The following CNTN4 variants were observed in gnomAD, a reference collection of about 807,000 sequenced individuals.
CNTN4 encodes contactin-4.
In CNTN4, 77 loss-of-function variants were observed where a neutral mutation model predicts 122.5. The observed-to-expected ratio is 0.63, with a 90% CI of 0.52 to 0.76. The LOEUF (loss-of-function observed/expected upper bound fraction) is 0.76. Among genes scored for constraint, CNTN4 ranks in the 30% least tolerant of loss-of-function variants. CNTN4 has a pLI of 0.00. For missense variants in CNTN4, 1,256 were observed against 1,259.1 expected (o/e 1.00, Z 0.04); for synonymous variants, 512 against 447.0 (o/e 1.15, Z -1.83).
At chr3:2,232,025 TTAGATA>T (rs1182017892) in intron 2 of CNTN4, among the ~76,000 whole-genome samples, 1 of 152,110 alleles carries the variant, frequency 6.6e-6, no homozygotes, top group Non-Finnish European at 1.5e-5. Flanking sequence ...ATAACATGTT[TTAGATA>T]TAGATATATA....
intron 3 of CNTN4, among the ~76,000 whole-genome samples, chr3:2,356,790 C>T (rs2044892381): frequency 6.6e-6 from 1 of 152,130 alleles, no homozygotes; most frequent in African/African-American, 2.4e-5. Flanking sequence ...TGGTCAGGAA[C>T]TTATTACAGG....
chr3:2,469,696 T>C (rs1463433448), intron 3 of CNTN4, among the ~76,000 whole-genome samples: 4 of 152,186 alleles, frequency 2.6e-5, no homozygotes, highest in South Asian at 2.1e-4. Context: ...TAGAGGTACA[T>C]TGTGTCAGTA....
At chr3:2,492,173 A>G (rs2076337134) in intron 3 of CNTN4, among the ~76,000 whole-genome samples, 3 of 152,228 alleles carry the variant, frequency 2.0e-5, no homozygotes, top group South Asian at 2.1e-4. Flanking sequence ...TGGCTTTTAT[A>G]CAATGGCTGC....
intron 4 of CNTN4, among the ~76,000 whole-genome samples, chr3:2,727,278 G>C (rs1430559958): frequency 2.0e-5 from 3 of 152,186 alleles, no homozygotes. Context: ...GGTCAGCACT[G>C]CATAATCAAA....
At chr3:3,024,169 GA>G (rs1010344522) in intron 14 of CNTN4, among the ~76,000 whole-genome samples, 7 of 152,006 alleles carry the variant, frequency 4.6e-5, no homozygotes, top group Non-Finnish European at 8.8e-5. Context: ...CTAAATTGCA[GA>G]ATCAGTGGGC....
At chr3:2,790,012 G>A (rs1392811876) in intron 6 of CNTN4, among the ~76,000 whole-genome samples, 3 of 152,158 alleles carry the variant, frequency 2.0e-5, no homozygotes, top group Non-Finnish European at 2.9e-5. Flanking sequence ...AATAATAGCA[G>A]CAATTGCCAT....
intron 7 of CNTN4, among the ~76,000 whole-genome samples, chr3:2,840,364 C>A (rs553563463): frequency 6.6e-6 from 1 of 151,920 alleles, no homozygotes; most frequent in Non-Finnish European, 1.5e-5. Flanking sequence ...CCTGCTTGCC[C>A]TTCTCCTCCT....
intron 3 of CNTN4, among the ~76,000 whole-genome samples, chr3:2,559,712 A>T (rs2078868504): frequency 6.6e-6 from 1 of 152,186 alleles, no homozygotes; most frequent in Admixed American, 6.5e-5. Context: ...CTGGAAAATG[A>T]TTTTATACCA....
In CNTN4 at chr3:2,106,470, A is replaced by G. The variant is rs925299913; in HGVS notation, c.-145+5831A>G. On this transcript the variant is annotated intron_variant, in intron 2 of 24. Coordinates refer to ENST00000418658, the MANE Select transcript of CNTN4 (RefSeq NM_175607.3). Reference sequence around the variant, plus strand: ...TTTTTGTCTTCTGCACACCCACAGGACGAACACCATGTGGAAGCTGCCAAG... The same window carrying G: ...TTTTTGTCTTCTGCACACCCACAGGGCGAACACCATGTGGAAGCTGCCAAG... 2.0e-5 allele frequency among the ~76,000 whole-genome samples: 3 copies of G among 152,290 alleles called. No individual in the cohort carries two copies. The South Asian group carries it at 6.2e-4, about 32-fold the overall frequency.
chr3:2,290,385 T>C (rs6774439), intron 2 of CNTN4, among the ~76,000 whole-genome samples: 11,054 of 152,220 alleles, frequency 0.073, 1,162 homozygotes, highest in African/African-American at 0.23. Context: ...TTTTATGGAA[T>C]TGACATTGGA....
At chr3:2,493,950 C>T (rs1184225952) in intron 3 of CNTN4, among the ~76,000 whole-genome samples, 1 of 151,720 alleles carries the variant, frequency 6.6e-6, no homozygotes, top group South Asian at 2.1e-4. Context: ...AGAATAGTGG[C>T]AGAGTGAGAT....
At chr3:2,658,601 T>C (rs1166274073) in intron 4 of CNTN4, among the ~76,000 whole-genome samples, 2 of 152,234 alleles carry the variant, frequency 1.3e-5, no homozygotes, top group African/African-American at 2.4e-5. Context: ...AGAATCATCC[T>C]TCCCATTTCC....
At chr3:2,458,315 T>G (rs2049075709) in intron 3 of CNTN4, among the ~76,000 whole-genome samples, 1 of 152,148 alleles carries the variant, frequency 6.6e-6, no homozygotes, top group Non-Finnish European at 1.5e-5. Context: ...GAATTGTGTT[T>G]AAAAAATGAA....
chr3:2,448,035 C>T (rs1044912062), intron 3 of CNTN4, among the ~76,000 whole-genome samples: 1 of 152,160 alleles, frequency 6.6e-6, no homozygotes, highest in Non-Finnish European at 1.5e-5. Context: ...ACTTCTCCTA[C>T]AGTAATTAAC....
chr3:2,465,549 C>G (rs183930485), intron 3 of CNTN4, among the ~76,000 whole-genome samples: 3 of 152,044 alleles, frequency 2.0e-5, no homozygotes, highest in African/African-American at 7.2e-5. Flanking sequence ...TGGCAGCGTG[C>G]GCCTGTAGTC....
At chr3:2,891,193 G>T (rs2094035818) in intron 10 of CNTN4, among the ~76,000 whole-genome samples, 1 of 152,180 alleles carries the variant, frequency 6.6e-6, no homozygotes, top group African/African-American at 2.4e-5. Context: ...GCCAGGTGCA[G>T]TGGCTTATGC....
rs184216797 is a variant in CNTN4, at chr3:2,932,875, G to T, written c.1358+7096G>T. Among the ~76,000 whole-genome samples the T allele has an allele frequency of 3.9e-3, 590 of 151,902 alleles. 4 individuals carry two copies. Among genetic ancestry groups the T allele is most frequent in the Admixed American group, 0.01 (155 of 15,262 alleles). On this transcript the variant is annotated intron_variant, in intron 13 of 24. Transcript: ENST00000418658. The stretch of plus-strand genomic sequence containing the variant: ...TCTCGCTCTGTCGCCCAGGCTGGAG[G>T]GCAGTGGCGCGATCTCGGCTCCCTG...
chr3:2,589,514 G>C (rs2080362041), intron 4 of CNTN4, among the ~76,000 whole-genome samples: 1 of 152,126 alleles, frequency 6.6e-6, no homozygotes, highest in Non-Finnish European at 1.5e-5. Flanking sequence ...CTCCCACAAA[G>C]ATGATATCTG....
chr3:2,698,619 G>A (rs1228962483), intron 4 of CNTN4, among the ~76,000 whole-genome samples: 4 of 152,166 alleles, frequency 2.6e-5, no homozygotes, highest in African/African-American at 7.2e-5. Context: ...GCTAGAAAGT[G>A]TGTGTCAAAT....
Sources: gnomAD v4.1 joint callset for allele counts (sites outside exome capture counted in the v4.1 genomes callset) on GRCh38, gnomAD v4.1.1 for gene constraint, MANE v1.5 for transcripts, NCBI Gene and HGNC (gene_info 2026-07-23, HGNC 2026-07-21) for gene names.